The following SLCO5A1 variants were observed in gnomAD, a reference collection of about 807,000 sequenced individuals.
The protein encoded by SLCO5A1 is solute carrier organic anion transporter family member 5A1.
Under a neutral mutation model 65.1 loss-of-function variants are expected in SLCO5A1, and 39 were observed. That is an observed-to-expected ratio of 0.60 (90% CI 0.46 to 0.78). The LOEUF is 0.78. Among genes scored for constraint, SLCO5A1 ranks in the 30% least tolerant of loss-of-function variants. The probability of loss-of-function intolerance (pLI) is 0.00; values close to 1 mark genes in which losing one functional copy is unlikely to be tolerated. For synonymous variants in SLCO5A1, 438 were observed against 415.7 expected (o/e 1.05, Z -0.65); for missense variants, 1,029 against 1,069.4 (o/e 0.96, Z 0.53).
intron 2 of SLCO5A1, among the ~76,000 whole-genome samples, chr8:69,822,416 G>A (rs1820687154): frequency 6.6e-6 from 1 of 152,232 alleles, no homozygotes; most frequent in Admixed American, 6.5e-5. Context: ...CTTGAGTCCT[G>A]AGAAAATTTA....
chr8:69,745,452 C>G (rs2959580), intron 4 of SLCO5A1, among the ~76,000 whole-genome samples: 103,616 of 151,920 alleles, frequency 0.68, 37,294 homozygotes, highest in African/African-American at 0.91. Context: ...ATGAGGACTA[C>G]TGCTTGTTTT....
intron 9 of SLCO5A1, among the ~76,000 whole-genome samples, chr8:69,674,362 A>G (rs1423509192): frequency 6.6e-6 from 1 of 152,216 alleles, no homozygotes; most frequent in Admixed American, 6.5e-5. Flanking sequence ...GGAAGACAGA[A>G]AGGAAGGCAG....
chr8:69,683,746 A>G (rs1367749849), intron 6 of SLCO5A1, among the ~76,000 whole-genome samples: 1 of 152,064 alleles, frequency 6.6e-6, no homozygotes, highest in Non-Finnish European at 1.5e-5. Flanking sequence ...TATTTTCAGT[A>G]GAGATGGGGT....
intron 8 of SLCO5A1, among the ~76,000 whole-genome samples, chr8:69,678,137 C>T (rs1563655737): frequency 6.6e-6 from 1 of 152,104 alleles, no homozygotes; most frequent in South Asian, 2.1e-4. Context: ...AAGCCAGTGC[C>T]CTTATACAAA....
At chr8:69,711,151 G>C (rs1815230539) in intron 5 of SLCO5A1, among the ~76,000 whole-genome samples, 1 of 152,072 alleles carries the variant, frequency 6.6e-6, no homozygotes, top group African/African-American at 2.4e-5. Flanking sequence ...CTCCCTATTG[G>C]GGGTGGAAAA....
At position 69,673,936 on chromosome 8, in the gene SLCO5A1, T is replaced by C. The variant is rs373191682; in HGVS notation, c.2090-610A>G. Among the ~76,000 whole-genome samples the C allele has an allele frequency of 4.7e-4, 71 of 152,336 alleles. 1 individual carries two copies. In the East Asian group the frequency reaches 0.01, roughly 22 times the overall value. On this transcript the variant is annotated intron_variant, in intron 9 of 9. Coordinates refer to ENST00000260126, the MANE Select transcript of SLCO5A1 (RefSeq NM_030958.3). ...ATGGCATAAATTTCATCTTTGAAGT[T>C]TGTGAAACATCTGAGATGAATAGTA... is the stretch of plus-strand genomic sequence containing the variant.
At chr8:69,798,503 G>C (rs1167833107) in intron 2 of SLCO5A1, among the ~76,000 whole-genome samples, 2 of 152,166 alleles carry the variant, frequency 1.3e-5, no homozygotes. Context: ...GGAAGAGAGA[G>C]AGGGAAGAGG....
At chr8:69,725,762 T>C (rs976077022) in intron 5 of SLCO5A1, among the ~76,000 whole-genome samples, 2 of 152,212 alleles carry the variant, frequency 1.3e-5, no homozygotes, top group African/African-American at 4.8e-5. Context: ...CATATCTTTG[T>C]TGATTGAACC....
At chr8:69,703,988 A>G (rs1814859666) in intron 6 of SLCO5A1, among the ~76,000 whole-genome samples, 1 of 152,194 alleles carries the variant, frequency 6.6e-6, no homozygotes, top group South Asian at 2.1e-4. Flanking sequence ...CAGGGTCGAC[A>G]AGTTGGTGAC....
At chr8:69,745,123 A>C (rs1204621213) in intron 4 of SLCO5A1, among the ~76,000 whole-genome samples, 2 of 152,230 alleles carry the variant, frequency 1.3e-5, no homozygotes, top group African/African-American at 2.4e-5. Context: ...TTAACTGGTA[A>C]TACTAGTGAA....
chr8:69,694,923 T>C (rs1586692944), intron 6 of SLCO5A1, among the ~76,000 whole-genome samples: 1 of 152,170 alleles, frequency 6.6e-6, no homozygotes, highest in Admixed American at 6.5e-5. Flanking sequence ...ATGGATTAGA[T>C]AATAAAGATG....
At chr8:69,725,828 C>G (rs1586730140) in intron 5 of SLCO5A1, among the ~76,000 whole-genome samples, 1 of 152,306 alleles carries the variant, frequency 6.6e-6, no homozygotes, top group Middle Eastern at 3.4e-3. Context: ...CTGACACTTC[C>G]TTGTTTCCTC....
intron 6 of SLCO5A1, among the ~76,000 whole-genome samples, chr8:69,688,155 C>T (rs13439029): frequency 0.38 from 57,194 of 151,686 alleles, 10,859 homozygotes; most frequent in South Asian, 0.55. Flanking sequence ...AAAAAAAAGA[C>T]GAACTCATAT....
rs567872591 is a variant in SLCO5A1, at chr8:69,678,494, G to A, written c.2024+884C>T. On this transcript the variant is annotated intron_variant, in intron 8 of 9. Transcript: ENST00000260126. Reference sequence around the variant, plus strand: ...TAATCACTTATGTCTTTAGATGAATGCACACTTACACGTAGACAGATAGCT... The same window carrying A: ...TAATCACTTATGTCTTTAGATGAATACACACTTACACGTAGACAGATAGCT... Among the ~76,000 whole-genome samples, 6 of 152,286 alleles carry A rather than the reference G, an allele frequency of 3.9e-5. No individual in the cohort carries two copies. In the South Asian group the frequency reaches 1.2e-3, roughly 32 times the overall value.
At chr8:69,683,701 T>C (rs1044370050) in intron 6 of SLCO5A1, among the ~76,000 whole-genome samples, 2 of 152,134 alleles carry the variant, frequency 1.3e-5, no homozygotes, top group East Asian at 3.9e-4. Context: ...TGGCTGGGAT[T>C]ACAGGCACCT....
At chr8:69,679,692 G>T in intron 7 of SLCO5A1, 73 bp from the exon 8 acceptor site, 1 of 1,567,974 alleles carries the variant, frequency 6.4e-7, no homozygotes, top group Non-Finnish European at 8.7e-7. Context: ...TTAAGACAAA[G>T]TTAAGTAAAA....
At chr8:69,756,012 G>C (rs1817527506) in intron 3 of SLCO5A1, among the ~76,000 whole-genome samples, 1 of 152,052 alleles carries the variant, frequency 6.6e-6, no homozygotes, top group African/African-American at 2.4e-5. Flanking sequence ...GTAGACAATA[G>C]CATGTTATGT....
intron 5 of SLCO5A1, among the ~76,000 whole-genome samples, chr8:69,723,876 G>A (rs1815949937): frequency 6.6e-6 from 1 of 151,394 alleles, no homozygotes; most frequent in Non-Finnish European, 1.5e-5. Context: ...GGGTTCAAGC[G>A]ATTCTCCTGT....
chr8:69,670,705 A>C lies in SLCO5A1; in HGVS notation c.*2164T>G, dbSNP rs944690905. Reference sequence around the variant, plus strand: ...GACTGTTCATGGCAGCAAAGGGAGTAAGGGGGCTCTCTAACTACTCCGTGC... The same window carrying C: ...GACTGTTCATGGCAGCAAAGGGAGTCAGGGGGCTCTCTAACTACTCCGTGC... On this transcript the variant is annotated 3_prime_UTR_variant, in exon 10 of 10. Coordinates refer to ENST00000260126, the MANE Select transcript of SLCO5A1 (RefSeq NM_030958.3). 6.6e-6 allele frequency: 1 copy of C among 152,224 alleles called. No homozygotes were observed. The highest frequency in any genetic ancestry group is 1.5e-5 in the Non-Finnish European group (1 of 68,056). The allele number at this position is 152,224 out of a possible 1,614,324, so 9.4% of individuals were successfully genotyped here. A position where few individuals can be genotyped will look rare whatever the true frequency, so the allele number is the denominator to read the frequency against.
Sources: gnomAD v4.1 joint callset for allele counts (sites outside exome capture counted in the v4.1 genomes callset) on GRCh38, gnomAD v4.1.1 for gene constraint, MANE v1.5 for transcripts, NCBI Gene and HGNC (gene_info 2026-07-23, HGNC 2026-07-21) for gene names.